The following VPS13B variants were observed in gnomAD, a reference collection of about 807,000 sequenced individuals.
The protein encoded by VPS13B is vacuolar protein sorting 13 homolog B.
VPS13B carries 285 observed loss-of-function variants against 426.4 expected under a neutral mutation model. The ratio of observed to expected loss-of-function variants is 0.67; its 90% CI spans 0.61 to 0.74. The LOEUF (loss-of-function observed/expected upper bound fraction) is 0.74. Ranked by LOEUF, VPS13B falls within the 30% of genes least tolerant of loss-of-function variation. VPS13B has a pLI of 0.00. For missense variants in VPS13B, 4,537 were observed against 4,782.6 expected, an observed-to-expected ratio of 0.95 and a Z score of 1.51; for synonymous variants, 1,676 against 1,676.4, an observed-to-expected ratio of 1.00 and a Z score of 0.01.
chr8:99,204,132 A>G (rs2132767478), intron 17 of VPS13B, among the ~76,000 whole-genome samples: 1 of 152,334 alleles, frequency 6.6e-6, no homozygotes, highest in African/African-American at 2.4e-5. Context: ...CTGTAACCAA[A>G]ACAGCATGGT....
chr8:99,054,762 A>G (rs1197322339), intron 3 of VPS13B, among the ~76,000 whole-genome samples: 2 of 152,152 alleles, frequency 1.3e-5, no homozygotes, highest in African/African-American at 2.4e-5. Context: ...TTTATATATG[A>G]TATGTTGTAT....
chr8:99,311,679 A>G (rs1169091133), intron 19 of VPS13B, among the ~76,000 whole-genome samples: 3 of 152,202 alleles, frequency 2.0e-5, no homozygotes, highest in Middle Eastern at 3.2e-3. Context: ...GTAGATGTCT[A>G]TTAAGTCCAC....
At position 99,410,487 on chromosome 8, in the gene VPS13B, T is replaced by C. The variant is rs187487661; in HGVS notation, c.3082+18783T>C. 1.5e-3 allele frequency among the ~76,000 whole-genome samples: 225 copies of C among 152,276 alleles called. 1 individual carries two copies. Among genetic ancestry groups the C allele is most frequent in the African/African-American group, 5.1e-3 (214 of 41,556 alleles). On this transcript the variant is annotated intron_variant, in intron 21 of 61. Coordinates refer to ENST00000357162, the MANE Select transcript of VPS13B (RefSeq NM_152564.5). ...CATGTTACCTCCTTTGTGGAATCTT[T>C]CCTGCCAATATTTGAGTGAATTAAT...
At chr8:99,732,586 A>T (rs1588664276) in intron 39 of VPS13B, among the ~76,000 whole-genome samples, 1 of 152,232 alleles carries the variant, frequency 6.6e-6, no homozygotes, top group Admixed American at 6.5e-5. Flanking sequence ...TGCTGGCATC[A>T]CAGCCATAAC....
At chr8:99,483,622 G>A (rs963699735) in intron 25 of VPS13B, among the ~76,000 whole-genome samples, 2 of 152,132 alleles carry the variant, frequency 1.3e-5, no homozygotes, top group African/African-American at 4.8e-5. Context: ...GATAAATACA[G>A]TTAAATCTTA....
intron 15 of VPS13B, among the ~76,000 whole-genome samples, chr8:99,159,290 C>G (rs1315028503): frequency 6.6e-6 from 1 of 152,072 alleles, no homozygotes; most frequent in Non-Finnish European, 1.5e-5. Flanking sequence ...GGCAATTACT[C>G]CTGGGGAAGA....
In VPS13B at chr8:99,779,035, T is replaced by C; in HGVS notation, c.7779+4T>C. The stretch of plus-strand genomic sequence containing the variant: ...TGCAATACAAGCTTGGCAACAGGTA[T>C]GCACATTCCATAACAGTTTACAGTT... On this transcript the variant is annotated splice_donor_region_variant and intron_variant, in intron 42 of 61. Coordinates refer to ENST00000357162, the MANE Select transcript of VPS13B (RefSeq NM_152564.5). The C allele has an allele frequency of 6.2e-7, 1 of 1,612,212 alleles. No individual in the cohort carries two copies. The highest frequency in any genetic ancestry group is 8.5e-7 in the Non-Finnish European group (1 of 1,178,908).
intron 3 of VPS13B, among the ~76,000 whole-genome samples, chr8:99,043,511 A>C (rs1843067800): frequency 6.6e-6 from 1 of 152,076 alleles, no homozygotes; most frequent in African/African-American, 2.4e-5. Context: ...TGGCCTTCTA[A>C]TTGGACTGAC....
rs550168496 is a variant in VPS13B at position 99,178,159 on chromosome 8, A to T, written c.2333+7996A>T. ...TTAATTTCTTTTTATTTTTTATTTTATTTTTTTTTTATTATACTCTAAGTT... is the reference window on the plus strand; with the variant it reads ...TTAATTTCTTTTTATTTTTTATTTTTTTTTTTTTTTATTATACTCTAAGTT... On this transcript the variant is annotated intron_variant, in intron 16 of 61. Coordinates refer to ENST00000357162, the MANE Select transcript of VPS13B (RefSeq NM_152564.5). Among the ~76,000 whole-genome samples the T allele has an allele frequency of 3.2e-3, 462 of 145,736 alleles. 1 individual carries two copies. Among genetic ancestry groups the T allele is most frequent in the Middle Eastern group, 6.9e-3 (2 of 290 alleles).
At chr8:99,560,479 A>G (rs1824850951) in intron 31 of VPS13B, among the ~76,000 whole-genome samples, 1 of 152,180 alleles carries the variant, frequency 6.6e-6, no homozygotes, top group African/African-American at 2.4e-5. Context: ...TCCTGAGGAC[A>G]GAGATCATCG....
At chr8:99,315,900 T>C (rs1429286755) in intron 19 of VPS13B, among the ~76,000 whole-genome samples, 9 of 152,248 alleles carry the variant, frequency 5.9e-5, no homozygotes, top group Admixed American at 2.6e-4. Flanking sequence ...TTTGTTCTTA[T>C]GTTGATATCT....
rs759045065 is a variant in VPS13B, at chr8:99,135,061, T to C, written c.1349T>C (p.Val450Ala). 4.3e-6 allele frequency: 7 copies of C among 1,613,630 alleles called. No individual in the cohort carries two copies. In the South Asian group the frequency reaches 5.5e-5, roughly 13 times the overall value. Residue 450 changes from valine (V) to alanine (A), a missense_variant, in exon 10 of 62, where the codon GTT becomes GCT. Physicochemically the swap from Val to Ala is moderately conservative, Grantham distance 64. This residue lies in a region of VPS13B where 4,311 missense variants were observed against 4,474.3 expected (regional missense o/e 0.96). Transcript: ENST00000357162. ...EPFFDCQIGF[V>A]GCRAMCLKGI... ...TTCTTTGATTGCCAGATTGGGTTTG[T>C]TGGTTGCAGAGCCATGTGCCTTAAA...
intron 31 of VPS13B, among the ~76,000 whole-genome samples, chr8:99,559,108 G>A (rs958859701): frequency 8.5e-5 from 13 of 152,302 alleles, no homozygotes; most frequent in African/African-American, 2.2e-4. Context: ...CATTCTAACT[G>A]GTGTGAGATG....
At chr8:99,042,055 G>A (rs528454770) in intron 3 of VPS13B, among the ~76,000 whole-genome samples, 235 of 151,786 alleles carry the variant, frequency 1.5e-3, no homozygotes, top group Non-Finnish European at 2.7e-3. Context: ...CAGGAGAATT[G>A]CTTGAACCCA....
intron 39 of VPS13B, among the ~76,000 whole-genome samples, chr8:99,746,142 C>G (rs966118479): frequency 6.6e-6 from 1 of 151,956 alleles, no homozygotes; most frequent in Non-Finnish European, 1.5e-5. Flanking sequence ...TTTATAATAT[C>G]GTTTAACATG....
intron 31 of VPS13B, 149 bp from the exon 32 acceptor site, chr8:99,575,509 C>A: frequency 1.1e-6 from 1 of 913,554 alleles, no homozygotes; most frequent in Non-Finnish European, 1.6e-6. Context: ...AGTTAAGAAA[C>A]GATGACTGTA....
At chr8:99,616,754 G>A (rs1828110707) in intron 33 of VPS13B, among the ~76,000 whole-genome samples, 2 of 152,244 alleles carry the variant, frequency 1.3e-5, no homozygotes, top group African/African-American at 4.8e-5. Context: ...GAACCCGGGA[G>A]GCCGAAGTTG....
chr8:99,074,795 C>G (rs1350046430), intron 3 of VPS13B, among the ~76,000 whole-genome samples: 1 of 151,972 alleles, frequency 6.6e-6, no homozygotes, highest in African/African-American at 2.4e-5. Context: ...GCCACCACAC[C>G]TGGCTAATTT....
At chr8:99,278,684 C>T (rs1032145318) in intron 19 of VPS13B, among the ~76,000 whole-genome samples, 5 of 152,200 alleles carry the variant, frequency 3.3e-5, no homozygotes, top group African/African-American at 4.8e-5. Context: ...CCTCACTAAA[C>T]ACTGTATCCT....
Sources: allele counts gnomAD v4.1 joint callset (sites outside exome capture counted in the v4.1 genomes callset), GRCh38; gene constraint gnomAD v4.1.1; regional missense constraint gnomAD v4.1.1; transcripts MANE v1.5; gene names NCBI Gene and HGNC (gene_info 2026-07-23, HGNC 2026-07-21).